Variants in NEK7 observed in about 807,000 individuals in gnomAD.
The protein encoded by NEK7 is serine/threonine-protein kinase Nek7.
A neutral mutation model predicts 44.6 loss-of-function variants in NEK7; 18 were observed. The observed-to-expected ratio is 0.40, with a 90% CI of 0.28 to 0.60. The LOEUF is 0.60. Among genes scored for constraint, NEK7 ranks in the 20% least tolerant of loss-of-function variants. The pLI is 0.38. For missense variants in NEK7, 256 were observed against 366.5 expected, an observed-to-expected ratio of 0.70 and a Z score of 2.46; for synonymous variants, 130 against 121.1, an observed-to-expected ratio of 1.07 and a Z score of -0.48.
At chr1:198,206,634 T>C (rs1665608204) in intron 1 of NEK7, among the ~76,000 whole-genome samples, 1 of 152,102 alleles carries the variant, frequency 6.6e-6, no homozygotes, top group Non-Finnish European at 1.5e-5. Flanking sequence ...TGATCAGATA[T>C]TTTAGAGAAT....
At chr1:198,158,681 T>G (rs1235774559) in intron 1 of NEK7, among the ~76,000 whole-genome samples, 1 of 152,198 alleles carries the variant, frequency 6.6e-6, no homozygotes, top group East Asian at 1.9e-4. Context: ...GCAACTCTTG[T>G]TGAATGGCCG....
intron 2 of NEK7, among the ~76,000 whole-genome samples, chr1:198,249,893 A>G (rs968017572): frequency 2.7e-5 from 4 of 146,526 alleles, no homozygotes; most frequent in African/African-American, 1.0e-4. Flanking sequence ...ATTAGATCCC[A>G]TTTGTCAATT....
At chr1:198,295,295 C>T (rs1654680686) in intron 8 of NEK7, among the ~76,000 whole-genome samples, 1 of 152,138 alleles carries the variant, frequency 6.6e-6, no homozygotes, top group Admixed American at 6.6e-5. Context: ...AAGAGAGCTG[C>T]CACCAGCCCC....
intron 1 of NEK7, among the ~76,000 whole-genome samples, chr1:198,182,421 G>A (rs188211877): frequency 1.3e-5 from 2 of 152,218 alleles, no homozygotes; most frequent in African/African-American, 4.8e-5. Context: ...ATAAAAGTGT[G>A]TGTATGTGTG....
chr1:198,291,037 T>C (rs893799810), intron 7 of NEK7, among the ~76,000 whole-genome samples: 1 of 152,216 alleles, frequency 6.6e-6, no homozygotes, highest in African/African-American at 2.4e-5. Flanking sequence ...TAAGGTGTTA[T>C]GCTGGGGCTA....
chr1:198,192,331 A>ATT lies in NEK7; in HGVS notation c.-29+35065_-29+35066dup, dbSNP rs569844730. On this transcript the variant is annotated intron_variant, in intron 1 of 9. Transcript: ENST00000367385. ...ACCATAGATTTGTCTATTTTTATTA[A>ATT]TTTTTTTTTTTAAAGAACCAGCTTT... is the stretch of plus-strand genomic sequence containing the variant. 3.0e-5 allele frequency among the ~76,000 whole-genome samples: 4 copies of ATT among 133,322 alleles called. No homozygotes were observed. The East Asian group carries it at 9.2e-4, about 31-fold the overall frequency. The allele number at this position is 133,322 out of a possible 152,430, so 87.5% of individuals were successfully genotyped here.
chr1:198,297,204 C>A lies in NEK7; in HGVS notation c.762C>A (p.Asp254Glu), dbSNP rs1654739666. 6.2e-7 allele frequency: 1 copy of A among 1,613,600 alleles called. No individual in the cohort carries two copies. Among genetic ancestry groups the A allele is most frequent in the Non-Finnish European group, 8.5e-7 (1 of 1,179,704 alleles). ...TGTGTAAGAAGATAGAACAGTGTGA[C>A]TACCCACCTCTTCCTTCAGATCACT... ...YSLCKKIEQC[D>E]YPPLPSDHYS... Residue 254 changes from aspartate to glutamate, a missense_variant, in exon 9 of 10, where the codon GAC (aspartate) becomes GAA (glutamate). Asp to Glu is a conservative substitution (Grantham distance 45, BLOSUM62 2). Coordinates refer to ENST00000367385, the MANE Select transcript of NEK7 (RefSeq NM_133494.3).
At chr1:198,232,860 G>T (rs1666440314) in intron 2 of NEK7, among the ~76,000 whole-genome samples, 1 of 150,008 alleles carries the variant, frequency 6.7e-6, no homozygotes, top group African/African-American at 2.5e-5. Context: ...ACACTTTTTA[G>T]ATATAATTAT....
chr1:198,287,436 T>G (rs894552235), intron 7 of NEK7, among the ~76,000 whole-genome samples: 1 of 152,166 alleles, frequency 6.6e-6, no homozygotes, highest in African/African-American at 2.4e-5. Flanking sequence ...AGAGAGGTTC[T>G]GTGGAAGAGG....
intron 1 of NEK7, among the ~76,000 whole-genome samples, chr1:198,193,040 A>T (rs1345004321): frequency 6.0e-5 from 9 of 150,044 alleles, no homozygotes; most frequent in South Asian, 4.2e-4. Context: ...TTTTTTTTTT[A>T]AACTAATAAA....
At chr1:198,181,674 A>G (rs16842521) in intron 1 of NEK7, among the ~76,000 whole-genome samples, 22,635 of 152,102 alleles carry the variant, frequency 0.15, 1,857 homozygotes, top group East Asian at 0.22. Flanking sequence ...GATTACTGAA[A>G]TAAATAAACA....
intron 1 of NEK7, among the ~76,000 whole-genome samples, chr1:198,174,606 A>G (rs1664548652): frequency 6.6e-6 from 1 of 152,296 alleles, no homozygotes; most frequent in South Asian, 2.1e-4. Context: ...TTAGTGAAAA[A>G]GTTCATTGCA....
At chr1:198,178,122 A>G (rs923035121) in intron 1 of NEK7, among the ~76,000 whole-genome samples, 3 of 152,128 alleles carry the variant, frequency 2.0e-5, no homozygotes, top group African/African-American at 7.2e-5. Flanking sequence ...ATAAAAAGGT[A>G]GCCAAGATTT....
At chr1:198,232,489 T>C in intron 1 of NEK7, 64 bp from the exon 2 acceptor site, 1 of 763,448 alleles carries the variant, frequency 1.3e-6, no homozygotes, top group Non-Finnish European at 2.4e-6. Flanking sequence ...TGTGTCGGTG[T>C]ATGATGAATG....
At chr1:198,277,863 A>G in intron 5 of NEK7, 98 bp from the exon 6 acceptor site, 1 of 663,200 alleles carries the variant, frequency 1.5e-6, no homozygotes, top group African/African-American at 1.8e-5. Flanking sequence ...AATGGTAGAT[A>G]AAATTAGCTG....
Position 198,320,863 on chromosome 1 carries a change from C to T in NEK7, c.*1341C>T, listed in dbSNP as rs1655515693. 1 of 152,174 alleles carries T rather than the reference C, an allele frequency of 6.6e-6. No individual in the cohort carries two copies. The allele number at this position is 152,174 out of a possible 1,614,324, so 9.4% of individuals were successfully genotyped here. A position where few individuals can be genotyped will look rare whatever the true frequency, so the allele number is the denominator to read the frequency against. ...GTACTGTATTTGTTCATGAAGATGACTGAGATGGTAACACTTCGTGTAGCT... is the reference window on the plus strand; with the variant it reads ...GTACTGTATTTGTTCATGAAGATGATTGAGATGGTAACACTTCGTGTAGCT... On this transcript the variant is annotated 3_prime_UTR_variant, in exon 10 of 10. Coordinates refer to ENST00000367385, the MANE Select transcript of NEK7 (RefSeq NM_133494.3).
intron 2 of NEK7, among the ~76,000 whole-genome samples, chr1:198,234,538 A>C (rs1666492188): frequency 6.6e-6 from 1 of 152,142 alleles, no homozygotes; most frequent in Non-Finnish European, 1.5e-5. Flanking sequence ...CTTGTGTTTC[A>C]AAGAGGAAAA....
intron 1 of NEK7, among the ~76,000 whole-genome samples, chr1:198,167,927 G>A (rs1313405582): frequency 2.0e-5 from 3 of 152,148 alleles, no homozygotes; most frequent in African/African-American, 4.8e-5. Flanking sequence ...CTCCTTGTCA[G>A]TAGATACAAG....
At position 198,282,002 on chromosome 1, in the gene NEK7, A is replaced by G. The variant is rs559660031; in HGVS notation, c.589+2941A>G. 3.3e-5 allele frequency among the ~76,000 whole-genome samples: 5 copies of G among 152,186 alleles called. No homozygotes were observed. In the South Asian group the frequency reaches 1.0e-3, roughly 32 times the overall value. ...GAAAATTACAAATACTAAATCTGAT[A>G]TTGCTGCATGTTCAAACTATGTTCA... On this transcript the variant is annotated intron_variant, in intron 7 of 9. Transcript: ENST00000367385.
Sources: gnomAD v4.1 joint callset for allele counts (sites outside exome capture counted in the v4.1 genomes callset) on GRCh38, gnomAD v4.1.1 for gene constraint, MANE v1.5 for transcripts, NCBI Gene and HGNC (gene_info 2026-07-23, HGNC 2026-07-21) for gene names.